The following PTPRM variants were observed in gnomAD, a reference collection of about 807,000 sequenced individuals.
The protein encoded by PTPRM is receptor-type tyrosine-protein phosphatase mu.
In PTPRM, 47 loss-of-function variants were observed where a neutral mutation model predicts 186.7. The ratio of observed to expected loss-of-function variants is 0.25; its 90% CI spans 0.20 to 0.32. The LOEUF (loss-of-function observed/expected upper bound fraction) is 0.32, where lower values mean the gene tolerates loss of function less well. Ranked by LOEUF, PTPRM falls within the 10% of genes least tolerant of loss-of-function variation. The pLI is 1.00. For synonymous variants in PTPRM, 668 were observed against 674.9 expected (o/e 0.99, Z 0.16); for missense variants, 1,494 against 1,865.0 (o/e 0.80, Z 3.66).
intron 1 of PTPRM, among the ~76,000 whole-genome samples, chr18:7,650,657 C>T (rs1319280629): frequency 6.6e-6 from 1 of 152,074 alleles, no homozygotes; most frequent in Non-Finnish European, 1.5e-5. Flanking sequence ...TAGGCACTAT[C>T]ACAGTGATAT....
chr18:7,744,854 A>G (rs1384589283), intron 1 of PTPRM, among the ~76,000 whole-genome samples: 1 of 152,178 alleles, frequency 6.6e-6, no homozygotes, highest in Non-Finnish European at 1.5e-5. Context: ...AGCTAAGTGT[A>G]TTTAAATTCT....
At chr18:7,803,357 A>C (rs547152552) in intron 2 of PTPRM, among the ~76,000 whole-genome samples, 1 of 152,172 alleles carries the variant, frequency 6.6e-6, no homozygotes, top group African/African-American at 2.4e-5. Flanking sequence ...TTATCTTCAA[A>C]GCCAGGAGCT....
At chr18:7,754,115 G>A (rs1346454823) in intron 1 of PTPRM, among the ~76,000 whole-genome samples, 1 of 152,190 alleles carries the variant, frequency 6.6e-6, no homozygotes. Flanking sequence ...ACTTCTTGTT[G>A]AATATAGATT....
rs1210229129 is a variant in PTPRM, at chr18:8,370,879, GT to G, written c.3055-7del. On this transcript the variant is annotated splice_polypyrimidine_tract_variant and intron_variant, in intron 23 of 32. Transcript: ENST00000580170. The stretch of plus-strand genomic sequence containing the variant: ...ACTGTAAACCCATAATTTCTTTTAT[GT>G]TTTCTAAAGGTCAAATGCTGCAAAT... 6 of 1,534,364 alleles carry G rather than the reference GT, an allele frequency of 3.9e-6. No individual in the cohort carries two copies. Among genetic ancestry groups the G allele is most frequent in the Non-Finnish European group, 5.3e-6 (6 of 1,125,506 alleles).
At chr18:8,334,701 A>G (rs2095429264) in intron 22 of PTPRM, among the ~76,000 whole-genome samples, 1 of 152,150 alleles carries the variant, frequency 6.6e-6, no homozygotes, top group African/African-American at 2.4e-5. Flanking sequence ...ACTGTTCTTT[A>G]CTGTTCACAT....
chr18:7,567,790 G>C lies in PTPRM; in HGVS notation c.-29G>C, dbSNP rs767394472. Reference sequence around the variant, plus strand: ...CCTCGCGCGCCCACCCACCGCCGCCGGGGAGCGGCCCGGCCCGCACTCAGC... The same window carrying C: ...CCTCGCGCGCCCACCCACCGCCGCCCGGGAGCGGCCCGGCCCGCACTCAGC... On this transcript the variant is annotated 5_prime_UTR_variant, in exon 1 of 33. Coordinates refer to ENST00000580170, the MANE Select transcript of PTPRM (RefSeq NM_001105244.2). The surrounding 1 kb of genome is among the most constrained non-coding windows in gnomAD (Gnocchi z 4.3). The C allele has an allele frequency of 2.1e-5, 32 of 1,512,716 alleles. No individual in the cohort carries two copies. Among genetic ancestry groups the C allele is most frequent in the Non-Finnish European group, 2.8e-5 (32 of 1,137,544 alleles). The allele number at this position is 1,512,716 out of a possible 1,614,324, so 93.7% of individuals were successfully genotyped here. A position where few individuals can be genotyped will look rare whatever the true frequency, so the allele number is the denominator to read the frequency against.
intron 1 of PTPRM, among the ~76,000 whole-genome samples, chr18:7,684,391 T>C (rs1453662914): frequency 6.6e-6 from 1 of 152,144 alleles, no homozygotes; most frequent in Non-Finnish European, 1.5e-5. Context: ...TTTGAGCATA[T>C]TTTTGAGTGT....
intron 1 of PTPRM, among the ~76,000 whole-genome samples, 193 bp from the exon 2 acceptor site, chr18:7,773,956 G>A (rs2042459259): frequency 6.6e-6 from 1 of 152,124 alleles, no homozygotes; most frequent in South Asian, 2.1e-4. Flanking sequence ...TGTGGGTGAG[G>A]CATGGTTAAT....
At chr18:7,935,954 A>G (rs1216746915) in intron 5 of PTPRM, among the ~76,000 whole-genome samples, 6 of 152,232 alleles carry the variant, frequency 3.9e-5, no homozygotes, top group Non-Finnish European at 8.8e-5. Flanking sequence ...CTTTGGCCCT[A>G]CAAACCATAC....
chr18:8,069,109 C>CAAAAAAAA (rs71165767), intron 7 of PTPRM, among the ~76,000 whole-genome samples: 2 of 78,620 alleles, frequency 2.5e-5, no homozygotes, highest in Non-Finnish European at 4.6e-5. Flanking sequence ...GACTCCGTCT[C>CAAAAAAAA]AAAAAAAAAA....
intron 4 of PTPRM, among the ~76,000 whole-genome samples, chr18:7,913,397 A>G (rs1049166564): frequency 1.3e-5 from 2 of 152,168 alleles, no homozygotes; most frequent in East Asian, 3.9e-4. Flanking sequence ...AAAGAACAGA[A>G]CTGCTTGTCT....
intron 1 of PTPRM, among the ~76,000 whole-genome samples, chr18:7,658,351 T>TATATATATATATATATATAC (rs1296978439): frequency 3.7e-5 from 5 of 133,828 alleles, no homozygotes; most frequent in African/African-American, 1.6e-4. Flanking sequence ...TATATATATA[T>TATATATATATATATATATAC]ATATATATAC....
chr18:7,919,470 G>A (rs1188682998), intron 4 of PTPRM, among the ~76,000 whole-genome samples: 1 of 151,984 alleles, frequency 6.6e-6, no homozygotes, highest in Non-Finnish European at 1.5e-5. Context: ...TAATTTCTTC[G>A]ATTGGTTGTT....
At chr18:7,771,839 A>G (rs2042282440) in intron 1 of PTPRM, among the ~76,000 whole-genome samples, 1 of 152,252 alleles carries the variant, frequency 6.6e-6, no homozygotes, top group African/African-American at 2.4e-5. Context: ...CAATTGAATG[A>G]CAATGTCAGA....
At chr18:8,385,826 G>T (rs1448453121) in intron 30 of PTPRM, among the ~76,000 whole-genome samples, 1 of 152,236 alleles carries the variant, frequency 6.6e-6, no homozygotes, top group East Asian at 1.9e-4. Context: ...ATAGACTGGA[G>T]GAGAGAGGCA....
At position 8,209,815 on chromosome 18, in the gene PTPRM, G is replaced by A. The variant is rs554783096; in HGVS notation, c.2301-34243G>A. 3.3e-5 allele frequency among the ~76,000 whole-genome samples: 5 copies of A among 151,836 alleles called. No homozygotes were observed. In the South Asian group the frequency reaches 1.0e-3, roughly 32 times the overall value. On this transcript the variant is annotated intron_variant, in intron 14 of 32. Transcript: ENST00000580170. Reference sequence around the variant, plus strand: ...AGGGAGGCGAACAACACACACCAGGGCCTGTCAGGGTGAGGGGTAAGGGGA... The same window carrying A: ...AGGGAGGCGAACAACACACACCAGGACCTGTCAGGGTGAGGGGTAAGGGGA...
At chr18:8,326,510 C>T (rs1256172142) in intron 22 of PTPRM, among the ~76,000 whole-genome samples, 1 of 152,142 alleles carries the variant, frequency 6.6e-6, no homozygotes, top group Non-Finnish European at 1.5e-5. Flanking sequence ...AAGCTGGAGG[C>T]ATCACTTTAT....
chr18:8,378,498 G>T, intron 27 of PTPRM, 84 bp downstream of exon 27: 1 of 1,504,326 alleles, frequency 6.6e-7, no homozygotes, highest in South Asian at 1.3e-5. Flanking sequence ...GTGAGCCCTT[G>T]AATCACAAGG....
chr18:7,595,630 G>A (rs1008973959), intron 1 of PTPRM, among the ~76,000 whole-genome samples: 2 of 152,178 alleles, frequency 1.3e-5, no homozygotes, highest in Non-Finnish European at 1.5e-5. Flanking sequence ...GTCTCAGGTG[G>A]CTACATTAAA....
Sources: gnomAD v4.1 joint callset for allele counts (sites outside exome capture counted in the v4.1 genomes callset) on GRCh38, gnomAD v4.1.1 for gene constraint, Gnocchi (gnomAD v3.1) non-coding constraint, MANE v1.5 for transcripts, NCBI Gene and HGNC (gene_info 2026-07-23, HGNC 2026-07-21) for gene names.